SKIC8: variants seen among roughly 807,000 people sequenced by gnomAD.
SKIC8 encodes the protein SKI8 subunit of superkiller complex.
chr15:78,289,647 T>C, the SKIC8 span: 1 of 1,614,120 alleles, frequency 6.2e-7, no homozygotes, highest in African/African-American at 1.3e-5. Context: ...GTTTTCCAGT[T>C]GCAATATCAA....
the SKIC8 span, among the ~76,000 whole-genome samples, chr15:78,297,248 C>G: frequency 1.3e-5 from 2 of 152,094 alleles, no homozygotes; most frequent in Non-Finnish European, 2.9e-5. Context: ...CATTTGCTTA[C>G]AATATGAGAG....
chr15:78,289,000 A>C, the SKIC8 span: 4 of 422,492 alleles, frequency 9.5e-6, no homozygotes, highest in Non-Finnish European at 1.9e-5. Context: ...TTCATATAGC[A>C]AATATATATT....
At chr15:78,295,631 G>C in the SKIC8 span, 1 of 1,610,760 alleles carries the variant, frequency 6.2e-7, no homozygotes, top group Non-Finnish European at 8.5e-7. Flanking sequence ...CTTGAACTTG[G>C]CAAAGAGACC....
chr15:78,287,327 C>T, the SKIC8 span, among the ~76,000 whole-genome samples: 18 of 76,344 alleles, frequency 2.4e-4, no homozygotes, highest in Non-Finnish European at 4.6e-4. Flanking sequence ...CACTCAGTTA[C>T]AGTTAAAAAC....
At chr15:78,285,533 C>A in the SKIC8 span, 83 of 594,082 alleles carry the variant, frequency 1.4e-4, no homozygotes, top group Non-Finnish European at 2.2e-4. Context: ...TTGTGATCTG[C>A]CTGGCCCTCA....
the SKIC8 span, among the ~76,000 whole-genome samples, chr15:78,299,043 A>C: frequency 6.6e-6 from 1 of 152,180 alleles, no homozygotes; most frequent in Non-Finnish European, 1.5e-5. Context: ...TCCTAGGCAG[A>C]ATTCATCACT....
chr15:78,292,107 T>C, the SKIC8 span: 1 of 155,066 alleles, frequency 6.4e-6, no homozygotes, highest in African/African-American at 2.4e-5. Context: ...ATACCAAGAA[T>C]CACACCCTTT....
the SKIC8 span, chr15:78,285,969 T>C: frequency 4.7e-6 from 6 of 1,281,006 alleles, no homozygotes; most frequent in Admixed American, 1.5e-4. Flanking sequence ...CTTTAAATGT[T>C]AAGGCAATCT....
the SKIC8 span, chr15:78,292,276 T>A: frequency 3.6e-6 from 1 of 274,070 alleles, no homozygotes; most frequent in Non-Finnish European, 7.1e-6. Context: ...CCAGCAGTTT[T>A]GAAATCCAAA....
At chr15:78,297,574 A>G in the SKIC8 span, among the ~76,000 whole-genome samples, 1 of 152,250 alleles carries the variant, frequency 6.6e-6, no homozygotes, top group South Asian at 2.1e-4. Flanking sequence ...CAATGAGCTT[A>G]CACAATATCA....
chr15:78,285,166 C>G, the SKIC8 span: 1 of 1,201,958 alleles, frequency 8.3e-7, no homozygotes, highest in Non-Finnish European at 1.2e-6. Context: ...CTACTGGTAT[C>G]CACAGCTCAA....
At chr15:78,288,404 G>T in the SKIC8 span, 1 of 1,610,384 alleles carries the variant, frequency 6.2e-7, no homozygotes, top group Non-Finnish European at 8.5e-7. Context: ...AAAGGCCCTT[G>T]TTAATCTGGT....
chr15:78,285,128 G>A, the SKIC8 span: 1 of 754,052 alleles, frequency 1.3e-6, no homozygotes, highest in East Asian at 2.7e-5. Flanking sequence ...GGATGACTGA[G>A]CAGATAGAGC....
chr15:78,294,630 C>T, the SKIC8 span: 1 of 330,534 alleles, frequency 3.0e-6, no homozygotes. Context: ...GAGTTTTGAG[C>T]CTCAAAGCAT....
the SKIC8 span, chr15:78,288,453 C>T: frequency 1.4e-6 from 2 of 1,454,822 alleles, no homozygotes; most frequent in Non-Finnish European, 1.9e-6. Flanking sequence ...ACTGACAATG[C>T]CCCTTTTAAT....
chr15:78,290,307 C>T, the SKIC8 span, among the ~76,000 whole-genome samples: 1 of 152,174 alleles, frequency 6.6e-6, no homozygotes, highest in African/African-American at 2.4e-5. Context: ...AGGACAATAT[C>T]AAGTGTTAGC....
At chr15:78,288,224 C>T in the SKIC8 span, 3 of 1,557,558 alleles carry the variant, frequency 1.9e-6, no homozygotes, top group Admixed American at 3.4e-5. Context: ...CCCTAGGGCT[C>T]CTTGTAACAA....
At chr15:78,283,544 T>C in the SKIC8 span, 5 of 1,537,110 alleles carry the variant, frequency 3.3e-6, no homozygotes, top group South Asian at 1.1e-5. Context: ...AAAAAGATAG[T>C]TCTACAAATG....
chr15:78,292,527 T>C, the SKIC8 span: 16 of 1,551,866 alleles, frequency 1.0e-5, no homozygotes, highest in Non-Finnish European at 1.4e-5. Context: ...ATCCAAAAAA[T>C]TCTGAGCTGT....
Sources: gnomAD v4.1 joint callset for allele counts (sites outside exome capture counted in the v4.1 genomes callset) on GRCh38, gnomAD v4.1.1 for gene constraint, MANE v1.5 for transcripts, NCBI Gene and HGNC (gene_info 2026-07-23, HGNC 2026-07-21) for gene names.